The following PLEKHA7 variants were observed in gnomAD, a reference collection of about 807,000 sequenced individuals.
The protein encoded by PLEKHA7 is pleckstrin homology domain-containing family A member 7.
Under a neutral mutation model 170.0 loss-of-function variants are expected in PLEKHA7, and 104 were observed. The observed-to-expected ratio is 0.61, with a 90% CI of 0.52 to 0.72. The LOEUF is 0.72. Ranked by LOEUF, PLEKHA7 falls within the 30% of genes least tolerant of loss-of-function variation. The pLI, the probability that PLEKHA7 is intolerant of heterozygous loss-of-function variation, is 0.00. For synonymous variants in PLEKHA7, 648 were observed against 660.8 expected, an observed-to-expected ratio of 0.98 and a Z score of 0.30; for missense variants, 1,615 against 1,671.7, an observed-to-expected ratio of 0.97 and a Z score of 0.59.
chr11:16,873,868 T>G (rs1855068856), intron 3 of PLEKHA7, among the ~76,000 whole-genome samples: 1 of 152,126 alleles, frequency 6.6e-6, no homozygotes, highest in Non-Finnish European at 1.5e-5. Context: ...GGTTTCACCA[T>G]GTTGGCCAGG....
intron 3 of PLEKHA7, among the ~76,000 whole-genome samples, chr11:16,978,022 T>C (rs7126760): frequency 0.36 from 55,245 of 151,858 alleles, 10,438 homozygotes; most frequent in East Asian, 0.72. Context: ...TGCATTAAAA[T>C]CGGTTGGACA....
rs147740279 is a variant in PLEKHA7 at position 16,880,968 on chromosome 11, T to C, written c.222-9786A>G. On this transcript the variant is annotated intron_variant, in intron 3 of 26. Transcript: ENST00000531066. ...GCTACAGACTGAAATGTAACAACAC[T>C]ACACACAACTGCAAACACAGAGACA... 6.4e-4 allele frequency among the ~76,000 whole-genome samples: 90 copies of C among 141,462 alleles called. 1 individual carries two copies. The highest frequency in any genetic ancestry group is 3.4e-3 in the Admixed American group (48 of 13,960). 92.8% of individuals were successfully genotyped at this position (141,462 alleles called of 152,430 possible). A position where few individuals can be genotyped will look rare whatever the true frequency, so the allele number is the denominator to read the frequency against.
intron 3 of PLEKHA7, among the ~76,000 whole-genome samples, chr11:16,903,564 T>C (rs1163983801): frequency 6.6e-6 from 1 of 152,188 alleles, no homozygotes; most frequent in African/African-American, 2.4e-5. Context: ...TTGTAGAGAA[T>C]GCTGTTTTCC....
At chr11:16,793,975 G>T (rs1343628242) in intron 19 of PLEKHA7, among the ~76,000 whole-genome samples, 1 of 152,214 alleles carries the variant, frequency 6.6e-6, no homozygotes, top group African/African-American at 2.4e-5. Flanking sequence ...GTGGAATGGG[G>T]ATACTGCTCT....
At chr11:16,979,564 C>T (rs540611655) in intron 3 of PLEKHA7, among the ~76,000 whole-genome samples, 2 of 152,354 alleles carry the variant, frequency 1.3e-5, no homozygotes, top group South Asian at 2.1e-4. Flanking sequence ...ATAAACCATA[C>T]ATCACCATAG....
At position 16,906,276 on chromosome 11, in the gene PLEKHA7, AAGG is replaced by A. The variant is rs775270650; in HGVS notation, c.222-35097_222-35095del. Among the ~76,000 whole-genome samples the A allele has an allele frequency of 4.7e-3, 504 of 106,764 alleles. 6 individuals carry two copies. The highest frequency in any genetic ancestry group is 0.015 in the South Asian group (49 of 3,284). 70.0% of individuals were successfully genotyped at this position (106,764 alleles called of 152,430 possible). A position where few individuals can be genotyped will look rare whatever the true frequency, so the allele number is the denominator to read the frequency against. ...GAAGGAAGGAAGGAAGGAAGGAAGG[AAGG>A]AAAGAAAGAAAATTGGAAAGGCTCC... is the stretch of plus-strand genomic sequence containing the variant. On this transcript the variant is annotated intron_variant, in intron 3 of 26. Transcript: ENST00000531066.
intron 3 of PLEKHA7, among the ~76,000 whole-genome samples, chr11:16,966,614 C>T (rs1232870536): frequency 6.6e-6 from 1 of 152,016 alleles, no homozygotes; most frequent in African/African-American, 2.4e-5. Flanking sequence ...ACAAAAGGTA[C>T]CAATCTGCAG....
Position 16,987,582 on chromosome 11 carries a change from T to G in PLEKHA7, c.221+26407A>C, listed in dbSNP as rs563485314. ...ACCCACTTCCCATCTCTGGACCTCA[T>G]CTTCATTTGAGAAATGAAGGGAATG... On this transcript the variant is annotated intron_variant, in intron 3 of 26. Transcript: ENST00000531066. Among the ~76,000 whole-genome samples, 4 of 152,238 alleles carry G rather than the reference T, an allele frequency of 2.6e-5. No individual in the cohort carries two copies. The South Asian group carries it at 8.3e-4, about 32-fold the overall frequency.
chr11:16,872,172 T>A (rs1854913559), intron 3 of PLEKHA7, among the ~76,000 whole-genome samples: 1 of 152,088 alleles, frequency 6.6e-6, no homozygotes, highest in African/African-American at 2.4e-5. Context: ...TTTCCCCATG[T>A]TGGCCAGGCT....
intron 3 of PLEKHA7, among the ~76,000 whole-genome samples, chr11:16,888,846 T>A: frequency 8.0e-6 from 1 of 125,156 alleles, no homozygotes; most frequent in Non-Finnish European, 1.7e-5. Flanking sequence ...GATCAATAAA[T>A]ACTAAAAAAA....
intron 12 of PLEKHA7, 48 bp downstream of exon 12, chr11:16,816,130 T>A (rs368390582): frequency 8.1e-6 from 12 of 1,480,674 alleles, no homozygotes; most frequent in Non-Finnish European, 1.0e-5. Flanking sequence ...GGAAGGAAAA[T>A]GTTGATGAGA....
At chr11:16,844,569 G>T (rs1292878387) in intron 8 of PLEKHA7, among the ~76,000 whole-genome samples, 1 of 152,194 alleles carries the variant, frequency 6.6e-6, no homozygotes, top group Non-Finnish European at 1.5e-5. Context: ...TGTTTTCTCT[G>T]CTCTTTGCTT....
At chr11:16,958,218 A>G (rs1353058661) in intron 3 of PLEKHA7, among the ~76,000 whole-genome samples, 1 of 152,040 alleles carries the variant, frequency 6.6e-6, no homozygotes, top group Non-Finnish European at 1.5e-5. Context: ...TCAGGAGGCT[A>G]AGGTGGGAGG....
chr11:16,988,145 G>A (rs933267131), intron 3 of PLEKHA7, among the ~76,000 whole-genome samples: 10 of 152,240 alleles, frequency 6.6e-5, no homozygotes, highest in Non-Finnish European at 1.3e-4. Flanking sequence ...CTTGCCCCAG[G>A]TCAGGCAGCT....
At chr11:16,950,264 C>T (rs754537123) in intron 3 of PLEKHA7, among the ~76,000 whole-genome samples, 24 of 152,068 alleles carry the variant, frequency 1.6e-4, no homozygotes, top group Admixed American at 6.5e-4. Flanking sequence ...AATATCATTA[C>T]GGGTGAAGTC....
At chr11:16,784,074 G>A (rs1035961121) in intron 24 of PLEKHA7, among the ~76,000 whole-genome samples, 1 of 152,134 alleles carries the variant, frequency 6.6e-6, no homozygotes, top group African/African-American at 2.4e-5. Flanking sequence ...GGAAGGGAAG[G>A]GCGAAATAAC....
chr11:16,803,342 TC>T, intron 13 of PLEKHA7, 47 bp from the exon 14 acceptor site: 1 of 1,562,934 alleles, frequency 6.4e-7, no homozygotes, highest in Non-Finnish European at 8.8e-7. Context: ...GTGTTTGAGA[TC>T]AGAACTCAGG....
intron 3 of PLEKHA7, among the ~76,000 whole-genome samples, chr11:16,936,401 C>CAAAAAAAAAA (rs57104068): frequency 4.3e-4 from 29 of 68,138 alleles, no homozygotes; most frequent in African/African-American, 1.1e-3. Context: ...GACTCTGTCT[C>CAAAAAAAAAA]AAAAAAAAAA....
At chr11:17,006,550 C>T (rs1413532933) in intron 3 of PLEKHA7, among the ~76,000 whole-genome samples, 1 of 149,834 alleles carries the variant, frequency 6.7e-6, no homozygotes, top group Non-Finnish European at 1.5e-5. Flanking sequence ...ATCGCTTGAA[C>T]CCGGGAAGCA....
Sources: allele counts gnomAD v4.1 joint callset (sites outside exome capture counted in the v4.1 genomes callset), GRCh38; gene constraint gnomAD v4.1.1; transcripts MANE v1.5; gene names NCBI Gene and HGNC (gene_info 2026-07-23, HGNC 2026-07-21).